NIPA1: variants seen among roughly 807,000 people sequenced by gnomAD.
NIPA1 encodes magnesium transporter NIPA1.
A neutral mutation model predicts 23.9 loss-of-function variants in NIPA1; 13 were observed. The observed-to-expected ratio is 0.54, with a 90% confidence interval of 0.35 to 0.87. The LOEUF (loss-of-function observed/expected upper bound fraction) is 0.87. Ranked by LOEUF, NIPA1 falls within the 40% of genes least tolerant of loss-of-function variation. The pLI is 0.01. For missense variants in NIPA1, 362 were observed against 429.7 expected (o/e 0.84, Z 1.39); for synonymous variants, 234 against 202.9 (o/e 1.15, Z -1.30).
Position 22,820,525 on chromosome 15 carries a change from CT to C in NIPA1, c.478+58del, listed in dbSNP as rs969660274. 5 of 1,366,384 alleles carry C rather than the reference CT, an allele frequency of 3.7e-6. No individual in the cohort carries two copies. In the African/African-American group the frequency reaches 4.3e-5, roughly 12 times the overall value. 84.6% of individuals were successfully genotyped at this position (1,366,384 alleles called of 1,614,324 possible). A position where few individuals can be genotyped will look rare whatever the true frequency, so the allele number is the denominator to read the frequency against. ...AGAAAGTTTGCAGTAGGAGTGCCAA[CT>C]TTTTTAACCACGTCTTCAAATTGGA... On this transcript the variant is annotated intron_variant, in intron 4 of 4. Transcript: ENST00000337435.
At position 22,825,757 on chromosome 15, in the gene NIPA1, CTTG is replaced by C. The variant is rs1438640442; in HGVS notation, c.*1524_*1526del. 1 of 152,572 alleles carries C rather than the reference CTTG, an allele frequency of 6.6e-6. No individual in the cohort carries two copies. The highest frequency in any genetic ancestry group is 2.4e-5 in the African/African-American group (1 of 41,414). 9.5% of individuals were successfully genotyped at this position (152,572 alleles called of 1,614,324 possible). A position where few individuals can be genotyped will look rare whatever the true frequency, so the allele number is the denominator to read the frequency against. On this transcript the variant is annotated 3_prime_UTR_variant, in exon 5 of 5. Transcript: ENST00000337435. ...AAAAGCCAATAAATGTAGCCATCTC[CTTG>C]TTGTTTGCAATGGCAGAGCATCCTA...
intron 1 of NIPA1, among the ~76,000 whole-genome samples, chr15:22,795,190 A>G (rs1260703025): frequency 6.6e-6 from 1 of 152,124 alleles, no homozygotes; most frequent in Non-Finnish European, 1.5e-5. Flanking sequence ...GAGATCACTG[A>G]TATAGGCATG....
chr15:22,821,503 C>G (rs1377649182), intron 4 of NIPA1, among the ~76,000 whole-genome samples: 1 of 151,372 alleles, frequency 6.6e-6, no homozygotes, highest in Non-Finnish European at 1.5e-5. Flanking sequence ...TCCACACTCG[C>G]TGGTTTTCTC....
chr15:22,793,521 A>G (rs559053916), intron 1 of NIPA1, among the ~76,000 whole-genome samples: 3 of 150,306 alleles, frequency 2.0e-5, no homozygotes, highest in South Asian at 2.1e-4. Flanking sequence ...GCTCACTGCA[A>G]CCTCCACCTG....
intron 4 of NIPA1, among the ~76,000 whole-genome samples, chr15:22,822,814 G>C (rs934843002): frequency 6.8e-6 from 1 of 146,978 alleles, no homozygotes; most frequent in Non-Finnish European, 1.5e-5. Flanking sequence ...GCAACAAAGA[G>C]CAAAACTCCA....
chr15:22,814,301 A>G (rs1181232740), intron 3 of NIPA1: 1 of 260,252 alleles, frequency 3.8e-6, no homozygotes, highest in Non-Finnish European at 7.9e-6. Context: ...TCTGTCGCCC[A>G]GGCTGGAGTG....
intron 4 of NIPA1, among the ~76,000 whole-genome samples, chr15:22,820,853 A>G (rs1349965106): frequency 2.0e-5 from 3 of 151,322 alleles, no homozygotes; most frequent in Admixed American, 1.3e-4. Flanking sequence ...TGCCCACTCT[A>G]TCTCCACCTC....
rs910785271 is a variant in NIPA1, at chr15:22,806,539, T to A, written c.179-4210T>A. ...CAGCATCCTCTGCATCCTTCAGTGC[T>A]GCAGCTCCCTGTTGTTGCTGAGGCC... On this transcript the variant is annotated intron_variant, in intron 1 of 4. Transcript: ENST00000337435. Among the ~76,000 whole-genome samples, 20 of 123,524 alleles carry A rather than the reference T, an allele frequency of 1.6e-4. 4 individuals are homozygous for A. The highest frequency in any genetic ancestry group is 2.2e-4 in the African/African-American group (4 of 18,122). The allele number at this position is 123,524 out of a possible 152,430, so 81.0% of individuals were successfully genotyped here.
Position 22,806,125 on chromosome 15 carries a change from G to A in NIPA1, c.179-4624G>A, listed in dbSNP as rs889199496. Among the ~76,000 whole-genome samples, 47 of 152,220 alleles carry A rather than the reference G, an allele frequency of 3.1e-4. No individual in the cohort carries two copies. In the East Asian group the frequency reaches 7.7e-3, roughly 25 times the overall value. On this transcript the variant is annotated intron_variant, in intron 1 of 4. Coordinates refer to ENST00000337435, the MANE Select transcript of NIPA1 (RefSeq NM_144599.5). ...TTTTTAGCAGAGACGGGGTTTCACC[G>A]TGTTAGCCAGGATGGTCTTGATCTC...
intron 1 of NIPA1, among the ~76,000 whole-genome samples, chr15:22,804,643 T>G (rs751714013): frequency 2.0e-5 from 3 of 152,138 alleles, no homozygotes; most frequent in Non-Finnish European, 4.4e-5. Context: ...AGGCATGAAT[T>G]AAACTTCAAC....
In NIPA1 at chr15:22,814,139, C is replaced by T. The variant is rs755853646; in HGVS notation, c.317+1886C>T. ...GTGTTCTGGATAAAAAGCCTGTCTTCAACTTGGAATCCCAGTAAGACCTTT... is the reference window on the plus strand; with the variant it reads ...GTGTTCTGGATAAAAAGCCTGTCTTTAACTTGGAATCCCAGTAAGACCTTT... On this transcript the variant is annotated intron_variant, in intron 3 of 4. Transcript: ENST00000337435. 10 of 1,257,942 alleles carry T rather than the reference C, an allele frequency of 7.9e-6. 1 individual carries two copies. Among genetic ancestry groups the T allele is most frequent in the Non-Finnish European group, 1.0e-5 (10 of 962,256 alleles). The allele number at this position is 1,257,942 out of a possible 1,614,324, so 77.9% of individuals were successfully genotyped here.
Position 22,812,251 on chromosome 15 carries a change from C to G in NIPA1, c.315C>G (p.Phe105Leu). The G allele has an allele frequency of 6.2e-7, 1 of 1,604,158 alleles. No homozygotes were observed. Residue 105 changes from phenylalanine (F) to leucine (L), a missense_variant and splice_region_variant, in exon 3 of 5, where the codon TTC becomes TTG. Around this residue, in one of 2 missense-constraint regions of NIPA1, gnomAD observed 277 missense variants for 372.0 expected, o/e 0.74. Coordinates refer to ENST00000337435, the MANE Select transcript of NIPA1 (RefSeq NM_144599.5). ...CCCTGGGCGCCCTTGGAGTACCGTT[C>G]GGGTGAGAGCCAAGATTGTGTTTGG... ...VTPLGALGVP[F>L]GSILASYLLK...
chr15:22,825,746 G>A lies in NIPA1; in HGVS notation c.*1507G>A, dbSNP rs146546813. On this transcript the variant is annotated 3_prime_UTR_variant, in exon 5 of 5. Coordinates refer to ENST00000337435, the MANE Select transcript of NIPA1 (RefSeq NM_144599.5). ...ATTTTCTAACAAAAAGCCAATAAAT[G>A]TAGCCATCTCCTTGTTGTTTGCAAT... 1.3e-5 allele frequency: 2 copies of A among 152,576 alleles called. No homozygotes were observed. Among genetic ancestry groups the A allele is most frequent in the Non-Finnish European group, 2.9e-5 (2 of 68,024 alleles). 9.5% of individuals were successfully genotyped at this position (152,576 alleles called of 1,614,324 possible). A position where few individuals can be genotyped will look rare whatever the true frequency, so the allele number is the denominator to read the frequency against.
chr15:22,799,564 C>T (rs947346206), intron 1 of NIPA1, among the ~76,000 whole-genome samples: 1 of 151,898 alleles, frequency 6.6e-6, no homozygotes, highest in African/African-American at 2.4e-5. Flanking sequence ...GGGCAGATCA[C>T]GAGGTCAGGA....
rs1038480844 is a variant in NIPA1, at chr15:22,824,621, T to C, written c.*382T>C. The C allele has an allele frequency of 2.1e-5, 6 of 285,588 alleles. No homozygotes were observed. The highest frequency in any genetic ancestry group is 1.3e-4 in the African/African-American group (6 of 45,490). The allele number at this position is 285,588 out of a possible 1,614,324, so 17.7% of individuals were successfully genotyped here. ...AGAGATATTTTTACTTAGATTACTT[T>C]GGGAATGAGAGATTGTTGTCTTGAA... On this transcript the variant is annotated 3_prime_UTR_variant, in exon 5 of 5. Transcript: ENST00000337435. This position sits in a 1 kb window ranked among gnomAD's most constrained non-coding sequence, Gnocchi z 4.1.
rs1405475257 is a variant in NIPA1, at chr15:22,788,979, C to T, written c.178+2145C>T. Among the ~76,000 whole-genome samples the T allele has an allele frequency of 4.9e-5, 7 of 143,626 alleles. No individual in the cohort carries two copies. In the East Asian group the frequency reaches 1.5e-3, roughly 31 times the overall value. 94.2% of individuals were successfully genotyped at this position (143,626 alleles called of 152,430 possible). A position where few individuals can be genotyped will look rare whatever the true frequency, so the allele number is the denominator to read the frequency against. On this transcript the variant is annotated intron_variant, in intron 1 of 4. Coordinates refer to ENST00000337435, the MANE Select transcript of NIPA1 (RefSeq NM_144599.5). The stretch of plus-strand genomic sequence containing the variant: ...TATACCTATATACTATGCTTTCATT[C>T]ATTTATTTATTTTTTATTATGATTT...
At chr15:22,813,510 G>A (rs567448893) in intron 3 of NIPA1, 42 of 396,300 alleles carry the variant, frequency 1.1e-4, no homozygotes, top group African/African-American at 3.1e-4. Context: ...ATATATCCTC[G>A]TGTGAACCTA....
chr15:22,819,706 A>G (rs1356622405), intron 3 of NIPA1, among the ~76,000 whole-genome samples: 2 of 152,034 alleles, frequency 1.3e-5, no homozygotes, highest in Admixed American at 1.3e-4. Context: ...CAGTTTTTGT[A>G]CCCTACTTTT....
intron 2 of NIPA1, 54 bp from the exon 3 acceptor site, chr15:22,812,087 AGCGTAATTCAACTGTGATCAGT>A (rs774335973): frequency 9.3e-7 from 1 of 1,072,136 alleles, no homozygotes; most frequent in Admixed American, 1.9e-5. Context: ...GGCAGAGCCT[AGCGTAATTCAACTGTGATCAGT>A]GCTGGAAGAG....
Sources: allele counts gnomAD v4.1 joint callset (sites outside exome capture counted in the v4.1 genomes callset), GRCh38; gene constraint gnomAD v4.1.1; regional missense constraint gnomAD v4.1.1; non-coding constraint Gnocchi (gnomAD v3.1); transcripts MANE v1.5; gene names NCBI Gene and HGNC (gene_info 2026-07-23, HGNC 2026-07-21).